Variants in EDEM3 observed in about 807,000 individuals in gnomAD.
The protein encoded by EDEM3 is ER degradation-enhancing alpha-mannosidase-like protein 3.
A neutral mutation model predicts 110.2 loss-of-function variants in EDEM3; 60 were observed. The ratio of observed to expected loss-of-function variants is 0.54; its 90% CI spans 0.44 to 0.67. The LOEUF (loss-of-function observed/expected upper bound fraction) is 0.67. EDEM3 is among the 30% of genes least tolerant of loss of function. The probability of loss-of-function intolerance (pLI) is 0.00; values close to 1 mark genes in which losing one functional copy is unlikely to be tolerated. For synonymous variants in EDEM3, 352 were observed against 382.9 expected, an observed-to-expected ratio of 0.92 and a Z score of 0.94; for missense variants, 996 against 1,121.0, an observed-to-expected ratio of 0.89 and a Z score of 1.59.
rs1470094717 is a variant in EDEM3, at chr1:184,692,221, A to G, written c.*1842T>C. ...TTGCAATTAAAATGAACAAAGCACT[A>G]TATCTATCCTTCCATATACTGTATA... On this transcript the variant is annotated 3_prime_UTR_variant, in exon 20 of 20. Transcript: ENST00000318130. The G allele has an allele frequency of 1.3e-5, 2 of 152,140 alleles. No individual in the cohort carries two copies. The highest frequency in any genetic ancestry group is 2.1e-4 in the South Asian group (1 of 4,832). The allele number at this position is 152,140 out of a possible 1,614,324, so 9.4% of individuals were successfully genotyped here. A position where few individuals can be genotyped will look rare whatever the true frequency, so the allele number is the denominator to read the frequency against.
chr1:184,750,190 T>TA (rs560686120), intron 1 of EDEM3, among the ~76,000 whole-genome samples: 2 of 152,170 alleles, frequency 1.3e-5, no homozygotes, highest in Non-Finnish European at 2.9e-5. Context: ...TGCTCTACTC[T>TA]AAAAAAACTG....
At chr1:184,723,973 A>C in intron 7 of EDEM3, 117 bp from the exon 8 acceptor site, 1 of 716,126 alleles carries the variant, frequency 1.4e-6, no homozygotes, top group Non-Finnish European at 2.2e-6. Flanking sequence ...TTTAAGAATT[A>C]GGTTAAATTT....
intron 9 of EDEM3, 122 bp downstream of exon 9, chr1:184,721,167 T>C: frequency 2.7e-6 from 2 of 753,554 alleles, no homozygotes; most frequent in South Asian, 3.7e-5. Flanking sequence ...CAGGAAATAC[T>C]GACACAAAAC....
At chr1:184,720,875 G>C (rs909804214) in intron 9 of EDEM3, 1 of 161,750 alleles carries the variant, frequency 6.2e-6, no homozygotes, top group African/African-American at 2.4e-5. Context: ...ATACTCACTA[G>C]TTTCTCCAGG....
chr1:184,731,113 G>C (rs1371831192), intron 6 of EDEM3, among the ~76,000 whole-genome samples: 1 of 152,166 alleles, frequency 6.6e-6, no homozygotes, highest in African/African-American at 2.4e-5. Context: ...TAAACCAAGA[G>C]AGAAAGAATA....
rs78199178 is a variant in EDEM3, at chr1:184,716,223, G to C, written c.1370+665C>G. On this transcript the variant is annotated intron_variant, in intron 13 of 19. Transcript: ENST00000318130. The stretch of plus-strand genomic sequence containing the variant: ...ATCCTCAAAAACTAGTAAGAGCCCT[G>C]GCACATAAGGGGCCTCAGTAAATAT... 3.3e-3 allele frequency among the ~76,000 whole-genome samples: 504 copies of C among 152,234 alleles called. 1 individual carries two copies. Among genetic ancestry groups the C allele is most frequent in the African/African-American group, 0.011 (440 of 41,550 alleles).
chr1:184,737,782 T>C (rs754774680), intron 2 of EDEM3, 71 bp from the exon 3 acceptor site: 5 of 1,303,384 alleles, frequency 3.8e-6, no homozygotes, highest in Non-Finnish European at 5.4e-6. Flanking sequence ...GAACATAACT[T>C]TTTCACAGTT....
At chr1:184,753,407 C>CTT (rs35445359) in intron 1 of EDEM3, among the ~76,000 whole-genome samples, 4 of 138,328 alleles carry the variant, frequency 2.9e-5, no homozygotes, top group Non-Finnish European at 4.7e-5. Flanking sequence ...TCAAAATGCA[C>CTT]TTTTTTTTTT....
At chr1:184,713,214 C>T (rs1018634809) in intron 13 of EDEM3, among the ~76,000 whole-genome samples, 3 of 151,752 alleles carry the variant, frequency 2.0e-5, no homozygotes, top group Non-Finnish European at 4.4e-5. Context: ...TGCAGTGAGC[C>T]GAGTGCAGTG....
intron 2 of EDEM3, among the ~76,000 whole-genome samples, chr1:184,741,066 T>A (rs577657369): frequency 1.3e-5 from 2 of 152,278 alleles, no homozygotes; most frequent in South Asian, 4.1e-4. Flanking sequence ...AAGAAAGCAC[T>A]GTTTAAACTA....
At position 184,740,460 on chromosome 1, in the gene EDEM3, A is replaced by G. The variant is rs536429153; in HGVS notation, c.205-2749T>C. On this transcript the variant is annotated intron_variant, in intron 2 of 19. Transcript: ENST00000318130. ...ACACAAACTTTGATGCTAGCTCTTT[A>G]GTCCACAAATCACTATGTAAATAAC... Among the ~76,000 whole-genome samples, 21 of 152,370 alleles carry G rather than the reference A, an allele frequency of 1.4e-4. No individual in the cohort carries two copies. In the South Asian group the frequency reaches 4.1e-3, roughly 30 times the overall value.
Position 184,737,646 on chromosome 1 carries a change from C to G in EDEM3, c.270G>C (p.Glu90Asp). The G allele has an allele frequency of 6.2e-7, 1 of 1,614,032 alleles. No homozygotes were observed. Among genetic ancestry groups the G allele is most frequent in the African/African-American group, 1.3e-5 (1 of 75,040 alleles). ...LTCRGRVRGQ[E>D]PSRGDVDDAL... The stretch of plus-strand genomic sequence containing the variant: ...CATCATCAACGTCACCGCGACTTGG[C>G]TCTTGGCCTCTAACTCGACCTCTAC... Residue 90 changes from glutamate (E) to aspartate (D), a missense_variant, in exon 3 of 20, where the codon GAG (glutamate) becomes GAC (aspartate). Glu to Asp is a conservative substitution (Grantham distance 45). This residue lies in a region of EDEM3 where 200 missense variants were observed against 183.8 expected (regional missense o/e 1.09). Coordinates refer to ENST00000318130, the MANE Select transcript of EDEM3 (RefSeq NM_025191.4).
chr1:184,698,444 T>C (rs1014639047), intron 19 of EDEM3, among the ~76,000 whole-genome samples: 1 of 151,818 alleles, frequency 6.6e-6, no homozygotes, highest in African/African-American at 2.4e-5. Context: ...TAATGCAGCT[T>C]TCAAAAGAAT....
intron 8 of EDEM3, among the ~76,000 whole-genome samples, chr1:184,721,729 A>C (rs1210921633): frequency 6.6e-6 from 1 of 152,004 alleles, no homozygotes; most frequent in Non-Finnish European, 1.5e-5. Context: ...AAAGAACCAA[A>C]GTCAAGAAAA....
Position 184,723,855 on chromosome 1 carries a change from T to C in EDEM3, c.749A>G (p.Glu250Gly). The C allele has an allele frequency of 1.4e-6, 2 of 1,461,260 alleles. No individual in the cohort carries two copies. The highest frequency in any genetic ancestry group is 2.4e-5 in the East Asian group (1 of 41,432). The allele number at this position is 1,461,260 out of a possible 1,614,324, so 90.5% of individuals were successfully genotyped here. A position where few individuals can be genotyped will look rare whatever the true frequency, so the allele number is the denominator to read the frequency against. ...AAAATCAAGAGCTTTTCTGGCATAT[T>C]CCTGTAATTTAAAAAAAAAAAAAAA... ...SRFTGATIFE[E>G]YARKALDFLW... Residue 250 changes from glutamate (E) to glycine (G), a missense_variant and splice_region_variant, in exon 8 of 20, where the codon GAA becomes GGA. Around this residue, in one of 5 missense-constraint regions of EDEM3, gnomAD observed 310 missense variants for 394.6 expected, o/e 0.79. Transcript: ENST00000318130.
At chr1:184,718,998 A>G (rs1484458132) in intron 11 of EDEM3, among the ~76,000 whole-genome samples, 164 bp downstream of exon 11, 3 of 152,158 alleles carry the variant, frequency 2.0e-5, no homozygotes, top group African/African-American at 7.2e-5. Context: ...AATACTGTAC[A>G]AACCAAAAAT....
At chr1:184,712,997 G>A (rs530075924) in intron 13 of EDEM3, among the ~76,000 whole-genome samples, 95 of 152,216 alleles carry the variant, frequency 6.2e-4, no homozygotes, top group African/African-American at 1.8e-3. Context: ...CAAATTTGAC[G>A]GAATTTATTA....
chr1:184,739,427 A>C (rs2102122548), intron 2 of EDEM3, among the ~76,000 whole-genome samples: 1 of 151,060 alleles, frequency 6.6e-6, no homozygotes, highest in East Asian at 1.9e-4. Context: ...TTATATAAAA[A>C]TTATTTTATT....
Position 184,694,473 on chromosome 1 carries a change from C to T in EDEM3, c.2390-1G>A. On this transcript the variant is annotated splice_acceptor_variant, in intron 19 of 19. Coordinates refer to ENST00000318130, the MANE Select transcript of EDEM3 (RefSeq NM_025191.4). LOFTEE classifies it high-confidence loss of function. ...TGTTCTTCATTTTCCATTTCAGGAT[C>T]TGTATGAGAAAGAAACAAACCTCAT... The T allele has an allele frequency of 6.3e-7, 1 of 1,591,094 alleles. No individual in the cohort carries two copies. The highest frequency in any genetic ancestry group is 8.6e-7 in the Non-Finnish European group (1 of 1,169,222).
Sources: gnomAD v4.1 joint callset for allele counts (sites outside exome capture counted in the v4.1 genomes callset) on GRCh38, gnomAD v4.1.1 for gene constraint, gnomAD v4.1.1 regional missense constraint, MANE v1.5 for transcripts, NCBI Gene and HGNC (gene_info 2026-07-23, HGNC 2026-07-21) for gene names.